The following CACNG4 variants were observed in gnomAD, a reference collection of about 807,000 sequenced individuals.
The protein encoded by CACNG4 is voltage-dependent calcium channel gamma-4 subunit.
Under a neutral mutation model 22.9 loss-of-function variants are expected in CACNG4, and 8 were observed. The observed-to-expected ratio is 0.35, with a 90% CI of 0.21 to 0.63. The LOEUF (loss-of-function observed/expected upper bound fraction) is 0.63, where lower values mean the gene tolerates loss of function less well. Ranked by LOEUF, CACNG4 falls within the 30% of genes least tolerant of loss-of-function variation. The pLI is 0.72. For synonymous variants in CACNG4, 188 were observed against 191.9 expected (o/e 0.98, Z 0.17); for missense variants, 357 against 455.4 (o/e 0.78, Z 1.97).
chr17:66,991,800 GCAT>G (rs2143308978), intron 1 of CACNG4, among the ~76,000 whole-genome samples: 1 of 152,308 alleles, frequency 6.6e-6, no homozygotes, highest in South Asian at 2.1e-4. Flanking sequence ...ACATTTCAGG[GCAT>G]CACCTGGCCC....
chr17:66,995,436 G>A (rs369935352), intron 1 of CACNG4, among the ~76,000 whole-genome samples: 1 of 152,304 alleles, frequency 6.6e-6, no homozygotes, highest in East Asian at 1.9e-4. Context: ...GGGCAGAATG[G>A]AACCTTGCAG....
intron 1 of CACNG4, among the ~76,000 whole-genome samples, chr17:66,981,329 C>T (rs2035271215): frequency 6.6e-6 from 1 of 152,248 alleles, no homozygotes; most frequent in South Asian, 2.1e-4. Flanking sequence ...GTAGTAATGT[C>T]TGTTCCTTTC....
At chr17:67,003,429 C>T (rs1488406452) in intron 1 of CACNG4, among the ~76,000 whole-genome samples, 1 of 151,968 alleles carries the variant, frequency 6.6e-6, no homozygotes, top group Non-Finnish European at 1.5e-5. Flanking sequence ...GAATGGAGCA[C>T]TGTGTTGAGG....
intron 1 of CACNG4, among the ~76,000 whole-genome samples, chr17:66,981,821 C>T (rs2035275723): frequency 6.6e-6 from 1 of 152,206 alleles, no homozygotes; most frequent in South Asian, 2.1e-4. Flanking sequence ...CAAGAACTTT[C>T]CATATGTTAT....
chr17:66,977,883 G>A, intron 1 of CACNG4, among the ~76,000 whole-genome samples: 1 of 152,202 alleles, frequency 6.6e-6, no homozygotes, highest in Non-Finnish European at 1.5e-5. Flanking sequence ...GAGACCCTGG[G>A]GCACCAGCAG....
intron 1 of CACNG4, among the ~76,000 whole-genome samples, chr17:66,996,884 T>G (rs978878204): frequency 2.6e-5 from 4 of 152,146 alleles, no homozygotes; most frequent in Admixed American, 6.5e-5. Context: ...GAGGGCTTCT[T>G]AGAAGGGGCA....
chr17:66,975,027 C>T (rs34847695), intron 1 of CACNG4, among the ~76,000 whole-genome samples: 1 of 144,946 alleles, frequency 6.9e-6, no homozygotes, highest in Non-Finnish European at 1.5e-5. Context: ...GTCACCACAT[C>T]CAACACGGCC....
Position 67,031,130 on chromosome 17 carries a change from C to A in CACNG4, c.*126C>A. On this transcript the variant is annotated 3_prime_UTR_variant, in exon 4 of 4. Coordinates refer to ENST00000262138, the MANE Select transcript of CACNG4 (RefSeq NM_014405.4). This position sits in a 1 kb window ranked among gnomAD's most constrained non-coding sequence, Gnocchi z 4.0. Reference sequence around the variant, plus strand: ...GCCAAATGCAGCCCTCCCTGGCCTCCAGAGGTGGCGTGGGCTGGCTTTGCA... The same window carrying A: ...GCCAAATGCAGCCCTCCCTGGCCTCAAGAGGTGGCGTGGGCTGGCTTTGCA... The A allele has an allele frequency of 9.2e-7, 1 of 1,092,452 alleles. No homozygotes were observed. The highest frequency in any genetic ancestry group is 1.3e-6 in the Non-Finnish European group (1 of 763,446). 67.7% of individuals were successfully genotyped at this position (1,092,452 alleles called of 1,614,324 possible). A position where few individuals can be genotyped will look rare whatever the true frequency, so the allele number is the denominator to read the frequency against.
intron 1 of CACNG4, among the ~76,000 whole-genome samples, chr17:67,011,430 C>T (rs1463779497): frequency 6.6e-6 from 1 of 152,242 alleles, no homozygotes; most frequent in Non-Finnish European, 1.5e-5. Flanking sequence ...CGCCTCAGAC[C>T]CCTTCCCCTG....
intron 1 of CACNG4, among the ~76,000 whole-genome samples, chr17:66,979,465 C>G (rs1233046306): frequency 6.6e-6 from 1 of 152,136 alleles, no homozygotes; most frequent in Non-Finnish European, 1.5e-5. Context: ...GATGTGGAAC[C>G]TTTGAAGATC....
intron 1 of CACNG4, among the ~76,000 whole-genome samples, chr17:66,966,291 G>T (rs1419202592): frequency 6.6e-6 from 1 of 152,242 alleles, no homozygotes; most frequent in Admixed American, 6.5e-5. Flanking sequence ...GTGGCGCTCA[G>T]ATCGGGGACC....
chr17:66,980,244 C>A (rs2035263586), intron 1 of CACNG4, among the ~76,000 whole-genome samples: 1 of 152,206 alleles, frequency 6.6e-6, no homozygotes, highest in African/African-American at 2.4e-5. Flanking sequence ...GGGCTTCCAT[C>A]CCTAGAAATC....
intron 1 of CACNG4, among the ~76,000 whole-genome samples, chr17:66,970,791 G>A (rs1363776768): frequency 1.3e-5 from 2 of 152,232 alleles, no homozygotes; most frequent in Non-Finnish European, 2.9e-5. Context: ...ACAGACATGT[G>A]TCCATCACAG....
intron 3 of CACNG4, among the ~76,000 whole-genome samples, chr17:67,026,110 G>T (rs184235446): frequency 6.7e-6 from 1 of 149,530 alleles, no homozygotes; most frequent in Non-Finnish European, 1.5e-5. Context: ...AAGAGTGTGG[G>T]ATGTGTGTGT....
At chr17:66,980,400 G>T (rs1410063650) in intron 1 of CACNG4, among the ~76,000 whole-genome samples, 1 of 152,132 alleles carries the variant, frequency 6.6e-6, no homozygotes, top group Non-Finnish European at 1.5e-5. Context: ...GCCCCTCAGG[G>T]AGAATTTTTC....
At chr17:66,990,832 C>T (rs2035335759) in intron 1 of CACNG4, among the ~76,000 whole-genome samples, 1 of 152,064 alleles carries the variant, frequency 6.6e-6, no homozygotes, top group Admixed American at 6.5e-5. Context: ...AGGCGCCCGC[C>T]ACCATGCCCG....
rs1018345149 is a variant in CACNG4 at position 67,027,299 on chromosome 17, G to A, written c.445+2299G>A. Among the ~76,000 whole-genome samples, 7 of 152,246 alleles carry A rather than the reference G, an allele frequency of 4.6e-5. No individual in the cohort carries two copies. The highest frequency in any genetic ancestry group is 1.0e-4 in the Non-Finnish European group (7 of 68,036). On this transcript the variant is annotated intron_variant, in intron 3 of 3. Transcript: ENST00000262138. The surrounding 1 kb of genome is among the most constrained non-coding windows in gnomAD (Gnocchi z 4.3). Reference sequence around the variant, plus strand: ...GCCCAGATGCTTGGTGCCACCAGAGGGACTTGGAGCCTGGACCCAGAGCCC... The same window carrying A: ...GCCCAGATGCTTGGTGCCACCAGAGAGACTTGGAGCCTGGACCCAGAGCCC...
intron 2 of CACNG4, chr17:67,021,623 T>C (rs536107214): frequency 1.3e-5 from 2 of 152,426 alleles, no homozygotes; most frequent in South Asian, 2.1e-4. Context: ...CCTGCCTACC[T>C]TCTCTTCCAC....
chr17:67,030,816 A>G lies in CACNG4; in HGVS notation c.796A>G (p.Thr266Ala), dbSNP rs1387149745. The G allele has an allele frequency of 1.2e-6, 2 of 1,613,880 alleles. No homozygotes were observed. The highest frequency in any genetic ancestry group is 2.7e-5 in the African/African-American group (2 of 74,900). ...CGTGTCGCCCATGGGCCTGAAGATC[A>G]CAGGGGCCATCCCCATGGGGGAGCT... The part of the protein sequence containing the change: ...RDVSPMGLKI[T>A]GAIPMGELSM... Residue 266 changes from threonine (T) to alanine (A), a missense_variant, in exon 4 of 4, where the codon ACA (threonine) becomes GCA (alanine). By Grantham distance (58) the Thr-to-Ala change is moderately conservative (BLOSUM62 0). Around this residue, in one of 3 missense-constraint regions of CACNG4, gnomAD observed 240 missense variants for 277.6 expected, o/e 0.86. Transcript: ENST00000262138. This position sits in a 1 kb window ranked among gnomAD's most constrained non-coding sequence, Gnocchi z 6.4.
Sources: allele counts gnomAD v4.1 joint callset (sites outside exome capture counted in the v4.1 genomes callset), GRCh38; gene constraint gnomAD v4.1.1; regional missense constraint gnomAD v4.1.1; non-coding constraint Gnocchi (gnomAD v3.1); transcripts MANE v1.5; gene names NCBI Gene and HGNC (gene_info 2026-07-23, HGNC 2026-07-21).